Variants in FSTL1 observed in about 807,000 individuals in gnomAD.
FSTL1 encodes follistatin-related protein 1.
FSTL1 carries 24 observed loss-of-function variants against 45.9 expected under a neutral mutation model. The observed-to-expected ratio is 0.52, with a 90% CI of 0.38 to 0.74. The LOEUF (loss-of-function observed/expected upper bound fraction) is 0.74. FSTL1 is among the 30% of genes least tolerant of loss of function. The pLI, the probability that FSTL1 is intolerant of heterozygous loss-of-function variation, is 0.00. For synonymous variants in FSTL1, 120 were observed against 137.6 expected (o/e 0.87, Z 0.89); for missense variants, 340 against 381.8 (o/e 0.89, Z 0.91).
intron 2 of FSTL1, among the ~76,000 whole-genome samples, chr3:120,435,719 T>C (rs1937540134): frequency 6.6e-6 from 1 of 152,178 alleles, no homozygotes; most frequent in Admixed American, 6.5e-5. Context: ...TGAGGAAGTC[T>C]TTACATTCCA....
intron 6 of FSTL1, among the ~76,000 whole-genome samples, chr3:120,407,325 G>C (rs148415187): frequency 2.5e-3 from 380 of 152,304 alleles, no homozygotes; most frequent in African/African-American, 8.9e-3. Flanking sequence ...AGATAAGAAG[G>C]CTGGCTCAAG....
intron 2 of FSTL1, chr3:120,421,315 A>G (rs184084869): frequency 7.9e-5 from 12 of 152,356 alleles, no homozygotes; most frequent in Admixed American, 2.6e-4. Context: ...TCTACTTGCC[A>G]CTATTCTGCG....
At chr3:120,416,229 G>A (rs552448787) in intron 2 of FSTL1, among the ~76,000 whole-genome samples, 1 of 152,250 alleles carries the variant, frequency 6.6e-6, no homozygotes, top group East Asian at 1.9e-4. Context: ...TACTGCTTCA[G>A]CCCAGGTTCA....
chr3:120,403,850 C>T (rs1470298947), intron 7 of FSTL1, among the ~76,000 whole-genome samples: 1 of 147,292 alleles, frequency 6.8e-6, no homozygotes, highest in African/African-American at 2.5e-5. Flanking sequence ...GAACTCAGCT[C>T]CATCAGCTTG....
chr3:120,429,451 C>T (rs1402372), intron 2 of FSTL1, among the ~76,000 whole-genome samples: 19 of 151,994 alleles, frequency 1.3e-4, no homozygotes, highest in African/African-American at 4.6e-4. Context: ...GGACAACAGG[C>T]CTAAACTGTG....
rs2107645221 is a variant in FSTL1, at chr3:120,392,734, G to A, written c.*4218C>T. Reference sequence around the variant, plus strand: ...CCCCCAGCAGCAGTAGGCCAGAGTTGTTTTCATGTCCCATATCCCAGCTAG... The same window carrying A: ...CCCCCAGCAGCAGTAGGCCAGAGTTATTTTCATGTCCCATATCCCAGCTAG... On this transcript the variant is annotated 3_prime_UTR_variant, in exon 11 of 11. Coordinates refer to ENST00000295633, the MANE Select transcript of FSTL1 (RefSeq NM_007085.5). The A allele has an allele frequency of 6.6e-6, 1 of 152,306 alleles. No individual in the cohort carries two copies. Among genetic ancestry groups the A allele is most frequent in the East Asian group, 1.9e-4 (1 of 5,182 alleles). The allele number at this position is 152,306 out of a possible 1,614,324, so 9.4% of individuals were successfully genotyped here. A position where few individuals can be genotyped will look rare whatever the true frequency, so the allele number is the denominator to read the frequency against.
In FSTL1 at chr3:120,402,868, C is replaced by T. The variant is rs745944042; in HGVS notation, c.745G>A (p.Asp249Asn). ...TYADGAETEVDCNRCVCACGN... is the reference protein window; with the variant it reads ...TYADGAETEVNCNRCVCACGN... ...CAGGCACAGACACAGCGGTTACAGT[C>T]CACCTCGGTCTCAGCTCCATCTGCA... Residue 249 changes from aspartate (D) to asparagine (N), a missense_variant, in exon 9 of 11, where the codon GAC (aspartate) becomes AAC (asparagine). By Grantham distance (23) the Asp-to-Asn change is conservative. Transcript: ENST00000295633. 2.1e-5 allele frequency: 34 copies of T among 1,613,636 alleles called. No homozygotes were observed. Among genetic ancestry groups the T allele is most frequent in the Non-Finnish European group, 2.6e-5 (31 of 1,179,714 alleles).
chr3:120,411,024 G>A (rs1353147474), intron 4 of FSTL1, 40 bp from the exon 5 acceptor site: 1 of 1,529,966 alleles, frequency 6.5e-7, no homozygotes, highest in Admixed American at 1.9e-5. Context: ...GCGAAGTGAA[G>A]GAAAAAAGAA....
chr3:120,439,005 C>T (rs573626063), intron 2 of FSTL1, among the ~76,000 whole-genome samples: 4 of 152,134 alleles, frequency 2.6e-5, no homozygotes, highest in African/African-American at 7.2e-5. Flanking sequence ...ACTGGGGAAA[C>T]GAGTGAGGAC....
intron 3 of FSTL1, among the ~76,000 whole-genome samples, chr3:120,415,625 G>C (rs1183974364): frequency 2.6e-5 from 4 of 152,168 alleles, no homozygotes; most frequent in Non-Finnish European, 5.9e-5. Flanking sequence ...AGGGATTGAA[G>C]GGTTATGGGG....
At chr3:120,448,970 A>G (rs1413460852) in intron 2 of FSTL1, among the ~76,000 whole-genome samples, 2 of 152,214 alleles carry the variant, frequency 1.3e-5, no homozygotes, top group Non-Finnish European at 2.9e-5. Flanking sequence ...TGGAAAACCA[A>G]CCAGGGATTC....
chr3:120,401,864 G>A (rs747739942), intron 9 of FSTL1, among the ~76,000 whole-genome samples: 4 of 152,160 alleles, frequency 2.6e-5, no homozygotes, highest in South Asian at 2.1e-4. Context: ...AAGCCACTGC[G>A]CCTGGCTGAT....
At chr3:120,411,710 C>G in intron 4 of FSTL1, 144 bp downstream of exon 4, 1 of 727,484 alleles carries the variant, frequency 1.4e-6, no homozygotes, top group Non-Finnish European at 2.3e-6. Flanking sequence ...CAAGAGGATG[C>G]AACTCCAACC....
rs72960807 is a variant in FSTL1 at position 120,450,536 on chromosome 3, T to C, written c.63+148A>G. 3,006 of 495,184 alleles carry C rather than the reference T, an allele frequency of 6.1e-3. 75 individuals carry two copies. Among genetic ancestry groups the C allele is most frequent in the African/African-American group, 0.055 (2,709 of 49,220 alleles). The allele number at this position is 495,184 out of a possible 1,614,324, so 30.7% of individuals were successfully genotyped here. A position where few individuals can be genotyped will look rare whatever the true frequency, so the allele number is the denominator to read the frequency against. Reference sequence around the variant, plus strand: ...ATTTAAGTTTCGTAAGCAGCATTACTGCCCCAGCTCCACCCCAGCACACCC... The same window carrying C: ...ATTTAAGTTTCGTAAGCAGCATTACCGCCCCAGCTCCACCCCAGCACACCC... On this transcript the variant is annotated intron_variant, in intron 2 of 10. Transcript: ENST00000295633.
intron 2 of FSTL1, among the ~76,000 whole-genome samples, chr3:120,422,638 C>T (rs1198413701): frequency 2.0e-5 from 3 of 152,022 alleles, no homozygotes; most frequent in East Asian, 1.9e-4. Flanking sequence ...AGAGATATAT[C>T]GCCTGACGAA....
chr3:120,449,232 C>T (rs890253606), intron 2 of FSTL1, among the ~76,000 whole-genome samples: 1 of 152,224 alleles, frequency 6.6e-6, no homozygotes, highest in Non-Finnish European at 1.5e-5. Context: ...CTCCTTAAAC[C>T]TGTTTCTTCC....
chr3:120,449,091 T>C (rs1281358578), intron 2 of FSTL1, among the ~76,000 whole-genome samples: 3 of 152,138 alleles, frequency 2.0e-5, no homozygotes, highest in African/African-American at 7.2e-5. Flanking sequence ...CGCTCTCAAA[T>C]GCAAACCCTG....
chr3:120,409,598 C>G lies in FSTL1; in HGVS notation c.396G>C (p.Glu132Asp), dbSNP rs1253113294. Reference sequence around the variant, plus strand: ...TAGAGAACCAGCCATCTGGAATGATCTCAGCTTCCAGCCACTGGATGATGC... The same window carrying G: ...TAGAGAACCAGCCATCTGGAATGATGTCAGCTTCCAGCCACTGGATGATGC... Reference protein sequence around the residue: ...RRRIIQWLEAEIIPDGWFSKG... With the variant: ...RRRIIQWLEADIIPDGWFSKG... Residue 132 changes from glutamate to aspartate, a missense_variant, in exon 6 of 11, where the codon GAG becomes GAC. By Grantham distance (45) the Glu-to-Asp change is conservative (BLOSUM62 2). Transcript: ENST00000295633. 6.2e-7 allele frequency: 1 copy of G among 1,613,524 alleles called. No homozygotes were observed. Among genetic ancestry groups the G allele is most frequent in the South Asian group, 1.1e-5 (1 of 91,064 alleles).
chr3:120,414,550 G>C (rs1937152366), intron 3 of FSTL1, among the ~76,000 whole-genome samples: 1 of 152,280 alleles, frequency 6.6e-6, no homozygotes, highest in Non-Finnish European at 1.5e-5. Flanking sequence ...GAATAGAAAG[G>C]CGGGAAAGGT....
Sources: gnomAD v4.1 joint callset for allele counts (sites outside exome capture counted in the v4.1 genomes callset) on GRCh38, gnomAD v4.1.1 for gene constraint, MANE v1.5 for transcripts, NCBI Gene and HGNC (gene_info 2026-07-23, HGNC 2026-07-21) for gene names.